Variants in THUMPD2 observed in about 807,000 individuals in gnomAD.
THUMPD2 encodes U6 snRNA (guanine-N(2))-methyltransferase THUMPD2.
Under a neutral mutation model 49.4 loss-of-function variants are expected in THUMPD2, and 56 were observed. That is an observed-to-expected ratio of 1.13 (90% confidence interval 0.91 to 1.41). The LOEUF is 1.41. THUMPD2 is among the 40% of genes most tolerant of loss of function. THUMPD2 has a pLI of 0.00. For synonymous variants in THUMPD2, 237 were observed against 205.2 expected, an observed-to-expected ratio of 1.15 and a Z score of -1.32; for missense variants, 709 against 594.5, an observed-to-expected ratio of 1.19 and a Z score of -2.00.
intron 9 of THUMPD2, among the ~76,000 whole-genome samples, chr2:39,739,958 T>C (rs572876010): frequency 1.3e-5 from 2 of 152,270 alleles, no homozygotes; most frequent in Admixed American, 6.5e-5. Flanking sequence ...TAGGAAATTA[T>C]CCTAAGAAGA....
chr2:39,757,179 A>G (rs1299215653), intron 6 of THUMPD2: 6 of 359,612 alleles, frequency 1.7e-5, no homozygotes, highest in Non-Finnish European at 2.8e-5. Flanking sequence ...CAAAGGCACT[A>G]TGAGGTTCTG....
intron 6 of THUMPD2, 146 bp from the exon 7 acceptor site, chr2:39,756,106 G>A: frequency 1.5e-6 from 1 of 676,500 alleles, no homozygotes; most frequent in Non-Finnish European, 2.5e-6. Flanking sequence ...GGGTTCAGGG[G>A]AGGGTTTTTA....
intron 9 of THUMPD2, among the ~76,000 whole-genome samples, chr2:39,741,184 A>AT (rs1558485888): frequency 6.6e-6 from 1 of 152,226 alleles, no homozygotes; most frequent in Admixed American, 6.5e-5. Context: ...ATCAAACAGC[A>AT]TAAGAGATTT....
intron 6 of THUMPD2, among the ~76,000 whole-genome samples, chr2:39,757,927 G>A (rs1676349986): frequency 6.6e-6 from 1 of 152,108 alleles, no homozygotes; most frequent in South Asian, 2.1e-4. Flanking sequence ...CACTTAGATT[G>A]TGGGTCACTA....
intron 8 of THUMPD2, chr2:39,744,703 C>A (rs1674340119): frequency 3.2e-6 from 1 of 307,990 alleles, no homozygotes; most frequent in Non-Finnish European, 5.9e-6. Flanking sequence ...TTTTCAGATA[C>A]AATAAAATGT....
intron 1 of THUMPD2, among the ~76,000 whole-genome samples, chr2:39,778,807 G>T (rs187591851): frequency 6.6e-6 from 1 of 152,338 alleles, no homozygotes; most frequent in African/African-American, 2.4e-5. Context: ...ACTCTGACAG[G>T]CCAGATTCTA....
At chr2:39,775,087 C>G (rs571731937) in intron 1 of THUMPD2, among the ~76,000 whole-genome samples, 2 of 152,200 alleles carry the variant, frequency 1.3e-5, no homozygotes, top group East Asian at 3.9e-4. Context: ...TGAGATCAGC[C>G]TGGACAACAT....
At chr2:39,777,344 C>T (rs1209341785) in intron 1 of THUMPD2, among the ~76,000 whole-genome samples, 1 of 152,178 alleles carries the variant, frequency 6.6e-6, no homozygotes, top group Non-Finnish European at 1.5e-5. Context: ...ACGTACTCTA[C>T]CGTGGTGTTA....
chr2:39,778,306 G>C (rs957567207), intron 1 of THUMPD2, among the ~76,000 whole-genome samples: 1 of 152,220 alleles, frequency 6.6e-6, no homozygotes, highest in African/African-American at 2.4e-5. Flanking sequence ...CAAAACACAA[G>C]TGGCAGGTAG....
chr2:39,759,325 C>T (rs1286887205), intron 6 of THUMPD2, among the ~76,000 whole-genome samples: 1 of 151,880 alleles, frequency 6.6e-6, no homozygotes, highest in Non-Finnish European at 1.5e-5. Context: ...TTATTAACTA[C>T]AATTTTGGTA....
At position 39,736,499 on chromosome 2, in the gene THUMPD2, G is replaced by T. The variant is rs1374727145; in HGVS notation, c.*236C>A. 3 of 380,792 alleles carry T rather than the reference G, an allele frequency of 7.9e-6. No homozygotes were observed. The highest frequency in any genetic ancestry group is 1.4e-5 in the Non-Finnish European group (3 of 213,998). The allele number at this position is 380,792 out of a possible 1,614,324, so 23.6% of individuals were successfully genotyped here. ...CAGAACTTTTCACATTCTGACAGAAGATAAAACTTAAGTCTAAAAAATATT... is the reference window on the plus strand; with the variant it reads ...CAGAACTTTTCACATTCTGACAGAATATAAAACTTAAGTCTAAAAAATATT... On this transcript the variant is annotated 3_prime_UTR_variant, in exon 10 of 10. Coordinates refer to ENST00000505747, the MANE Select transcript of THUMPD2 (RefSeq NM_025264.5).
At chr2:39,776,551 A>T (rs774566256) in intron 1 of THUMPD2, among the ~76,000 whole-genome samples, 1 of 151,696 alleles carries the variant, frequency 6.6e-6, no homozygotes, top group Non-Finnish European at 1.5e-5. Flanking sequence ...ACGCCACCAC[A>T]CCTGGATTTT....
intron 8 of THUMPD2, among the ~76,000 whole-genome samples, chr2:39,747,979 AT>A (rs1411449996): frequency 6.6e-6 from 1 of 152,210 alleles, no homozygotes; most frequent in Non-Finnish European, 1.5e-5. Flanking sequence ...TCCATACCAT[AT>A]CCAAAGAATA....
intron 1 of THUMPD2, among the ~76,000 whole-genome samples, chr2:39,777,489 G>C (rs1373847360): frequency 2.0e-5 from 3 of 152,118 alleles, no homozygotes; most frequent in African/African-American, 7.2e-5. Context: ...AAAATATGGA[G>C]GTAAAAGTCT....
intron 5 of THUMPD2, among the ~76,000 whole-genome samples, chr2:39,764,121 C>T (rs377707669): frequency 6.6e-6 from 1 of 152,214 alleles, no homozygotes; most frequent in African/African-American, 2.4e-5. Flanking sequence ...TATCTTTCTG[C>T]TCACAGGTCC....
chr2:39,776,374 C>T (rs910044980), intron 1 of THUMPD2, among the ~76,000 whole-genome samples: 10 of 150,804 alleles, frequency 6.6e-5, no homozygotes, highest in Non-Finnish European at 1.3e-4. Flanking sequence ...TTAAACTACA[C>T]CATAGAGACT....
chr2:39,766,300 G>T, intron 4 of THUMPD2, 191 bp from the exon 5 acceptor site: 1 of 416,650 alleles, frequency 2.4e-6, no homozygotes, highest in African/African-American at 2.1e-5. Context: ...TAAATTTTAA[G>T]TACATTTCAT....
chr2:39,765,065 T>G (rs1254907162), intron 5 of THUMPD2, among the ~76,000 whole-genome samples: 1 of 152,200 alleles, frequency 6.6e-6, no homozygotes, highest in Non-Finnish European at 1.5e-5. Context: ...TTAAGCATTT[T>G]TATATATAAT....
At chr2:39,772,370 G>A (rs1258578576) in intron 1 of THUMPD2, among the ~76,000 whole-genome samples, 1 of 152,200 alleles carries the variant, frequency 6.6e-6, no homozygotes, top group African/African-American at 2.4e-5. Flanking sequence ...TGAAAACTGT[G>A]ACAGCACTGA....
Sources: allele counts gnomAD v4.1 joint callset (sites outside exome capture counted in the v4.1 genomes callset), GRCh38; gene constraint gnomAD v4.1.1; transcripts MANE v1.5; gene names NCBI Gene and HGNC (gene_info 2026-07-23, HGNC 2026-07-21).